The following WNK1 variants were observed in gnomAD, a reference collection of about 807,000 sequenced individuals.
The protein encoded by WNK1 is serine/threonine-protein kinase WNK1.
In WNK1, 38 loss-of-function variants were observed where a neutral mutation model predicts 222.8. That is an observed-to-expected ratio of 0.17 (90% CI 0.13 to 0.22). WNK1 has a LOEUF of 0.22. WNK1 is among the 10% of genes least tolerant of loss of function. WNK1 has a pLI of 1.00. For missense variants in WNK1, 2,348 were observed against 2,918.4 expected (o/e 0.80, Z 4.50); for synonymous variants, 1,090 against 1,092.9 (o/e 1.00, Z 0.05).
chr12:794,245 T>C (rs1384099233), intron 1 of WNK1, among the ~76,000 whole-genome samples: 1 of 152,230 alleles, frequency 6.6e-6, no homozygotes, highest in East Asian at 1.9e-4. Context: ...TATATTAACA[T>C]ATACTTGAAT....
intron 1 of WNK1, among the ~76,000 whole-genome samples, chr12:807,746 A>G (rs1227175053): frequency 1.7e-5 from 2 of 119,116 alleles, no homozygotes; most frequent in African/African-American, 3.3e-5. Context: ...TTGAGACGGA[A>G]TCTGGCTCTG....
intron 1 of WNK1, among the ~76,000 whole-genome samples, chr12:810,389 T>C (rs1389707005): frequency 6.6e-6 from 1 of 152,202 alleles, no homozygotes; most frequent in East Asian, 1.9e-4. Context: ...TATTTTGATA[T>C]GTAGAGTTAT....
intron 1 of WNK1, chr12:781,246 A>G (rs1943673778): frequency 6.5e-6 from 1 of 154,686 alleles, no homozygotes; most frequent in African/African-American, 2.4e-5. Flanking sequence ...ACCTTGGTAC[A>G]ATTTTTGGAA....
intron 3 of WNK1, among the ~76,000 whole-genome samples, chr12:829,006 G>A (rs1216634792): frequency 6.6e-6 from 1 of 152,218 alleles, no homozygotes; most frequent in Non-Finnish European, 1.5e-5. Context: ...ACATTCACAA[G>A]AAGAATGGGA....
chr12:805,464 G>A (rs1941363145), intron 1 of WNK1, among the ~76,000 whole-genome samples: 1 of 152,156 alleles, frequency 6.6e-6, no homozygotes, highest in African/African-American at 2.4e-5. Context: ...CACTCCTTGT[G>A]ACTTAATGAT....
chr12:862,626 A>G (rs939618869), intron 8 of WNK1, among the ~76,000 whole-genome samples: 4 of 152,240 alleles, frequency 2.6e-5, no homozygotes, highest in Admixed American at 2.6e-4. Context: ...TAAAATGATT[A>G]CTAAGTATTT....
chr12:758,035 TAAA>T lies in WNK1; in HGVS notation c.759+3728_759+3730del, dbSNP rs71051381. On this transcript the variant is annotated intron_variant, in intron 1 of 27. Transcript: ENST00000315939. ...GGGTGACAGGGTGAGACTCTGTCTC[TAAA>T]AAAAAAAAAAAAAAAAGAAAGAAAG... Among the ~76,000 whole-genome samples, 359 of 116,256 alleles carry T rather than the reference TAAA, an allele frequency of 3.1e-3. 12 individuals are homozygous for T. Among genetic ancestry groups the T allele is most frequent in the African/African-American group, 8.2e-3 (266 of 32,590 alleles). The allele number at this position is 116,256 out of a possible 152,430, so 76.3% of individuals were successfully genotyped here.
chr12:895,610 T>C (rs1342346578), intron 23 of WNK1, among the ~76,000 whole-genome samples: 1 of 151,878 alleles, frequency 6.6e-6, no homozygotes, highest in African/African-American at 2.4e-5. Context: ...AGGCACACGC[T>C]ACCATGCCTG....
At position 897,503 on chromosome 12, in the gene WNK1, G is replaced by A. The variant is rs1166100337; in HGVS notation, c.6270G>A (p.Leu2090=). 6.2e-7 allele frequency: 1 copy of A among 1,607,922 alleles called. No individual in the cohort carries two copies. The highest frequency in any genetic ancestry group is 1.3e-5 in the African/African-American group (1 of 74,802). ...GACATCTCAAAGAGATTCAGGACCTGCAGAGTCGCCAGAAGCATGAAATTG... is the reference window on the plus strand; with the variant it reads ...GACATCTCAAAGAGATTCAGGACCTACAGAGTCGCCAGAAGCATGAAATTG... ...RDKHLKEIQD[L]QSRQKHEIES... The change falls in exon 25 of 28, where the codon CTG becomes CTA. Residue 2090 remains leucine, a synonymous_variant. Coordinates refer to ENST00000315939, the MANE Select transcript of WNK1 (RefSeq NM_018979.4).
Position 771,026 on chromosome 12 carries a change from C to T in WNK1, c.759+16702C>T, listed in dbSNP as rs575040470. Reference sequence around the variant, plus strand: ...TCTTTTTTTTTGGAGACGGAGTCTTCGCTTTGTCTCGCCCAGGCTGGAGTG... The same window carrying T: ...TCTTTTTTTTTGGAGACGGAGTCTTTGCTTTGTCTCGCCCAGGCTGGAGTG... On this transcript the variant is annotated intron_variant, in intron 1 of 27. Transcript: ENST00000315939. Among the ~76,000 whole-genome samples, 7 of 152,112 alleles carry T rather than the reference C, an allele frequency of 4.6e-5. No individual in the cohort carries two copies. The East Asian group carries it at 5.8e-4, about 13-fold the overall frequency.
At chr12:846,477 C>T (rs1175625584) in intron 4 of WNK1, among the ~76,000 whole-genome samples, 1 of 152,046 alleles carries the variant, frequency 6.6e-6, no homozygotes, top group East Asian at 1.9e-4. Context: ...CTTGGGGAAT[C>T]GTGAGTAAGT....
intron 1 of WNK1, among the ~76,000 whole-genome samples, chr12:791,009 A>G (rs141365705): frequency 5.3e-5 from 8 of 152,268 alleles, no homozygotes; most frequent in African/African-American, 1.7e-4. Context: ...GAAATGTGCT[A>G]TGTTTGGATT....
At chr12:813,339 G>A (rs1947071421) in intron 1 of WNK1, among the ~76,000 whole-genome samples, 1 of 152,174 alleles carries the variant, frequency 6.6e-6, no homozygotes, top group Non-Finnish European at 1.5e-5. Context: ...TGCCTCCAAA[G>A]CCTATGTTCA....
In WNK1 at chr12:753,623, C is replaced by T; in HGVS notation, c.58C>T (p.Pro20Ser). Reference protein sequence around the residue: ...SSTPGSLFLSPPAPAPKNGSS... With the variant: ...SSTPGSLFLSSPAPAPKNGSS... The stretch of plus-strand genomic sequence containing the variant: ...CACTCCCGGTTCCCTGTTCCTCTCG[C>T]CGCCGGCTCCTGCCCCCAAGAATGG... The change falls in exon 1 of 28, where the codon CCG (proline) becomes TCG (serine). Residue 20 changes from proline to serine, a missense_variant. Physicochemically the swap from Pro to Ser is moderately conservative, Grantham distance 74 (BLOSUM62 -1). This residue lies in a region of WNK1 where 108 missense variants were observed against 109.7 expected (regional missense o/e 0.98). Coordinates refer to ENST00000315939, the MANE Select transcript of WNK1 (RefSeq NM_018979.4). The surrounding 1 kb of genome is among the most constrained non-coding windows in gnomAD (Gnocchi z 5.2). 1.2e-6 allele frequency: 2 copies of T among 1,612,804 alleles called. No homozygotes were observed. The highest frequency in any genetic ancestry group is 1.7e-6 in the Non-Finnish European group (2 of 1,179,918).
At chr12:812,864 A>G (rs1947030087) in intron 1 of WNK1, among the ~76,000 whole-genome samples, 1 of 152,174 alleles carries the variant, frequency 6.6e-6, no homozygotes, top group East Asian at 1.9e-4. Context: ...AAAGAGAATG[A>G]GAGGAGACAG....
intron 9 of WNK1, among the ~76,000 whole-genome samples, chr12:876,164 C>T (rs1331261794): frequency 6.6e-6 from 1 of 152,138 alleles, no homozygotes; most frequent in Non-Finnish European, 1.5e-5. Context: ...AATCCTAGCA[C>T]TTTGGGAGGC....
chr12:771,146 T>C (rs528484585), intron 1 of WNK1, among the ~76,000 whole-genome samples: 37 of 152,092 alleles, frequency 2.4e-4, no homozygotes, highest in South Asian at 6.2e-4. Flanking sequence ...TACAGGTGCA[T>C]GCCACCACGC....
At chr12:840,785 A>G (rs978600409) in intron 4 of WNK1, among the ~76,000 whole-genome samples, 2 of 152,244 alleles carry the variant, frequency 1.3e-5, no homozygotes, top group African/African-American at 4.8e-5. Context: ...ATGTTCTTCT[A>G]TAAGAATGCG....
chr12:792,381 C>T (rs967060796), intron 1 of WNK1, among the ~76,000 whole-genome samples: 5 of 142,312 alleles, frequency 3.5e-5, no homozygotes, highest in East Asian at 2.1e-4. Flanking sequence ...GGTGCAATCT[C>T]GGCTCACTGC....
Sources: allele counts gnomAD v4.1 joint callset (sites outside exome capture counted in the v4.1 genomes callset), GRCh38; gene constraint gnomAD v4.1.1; regional missense constraint gnomAD v4.1.1; non-coding constraint Gnocchi (gnomAD v3.1); transcripts MANE v1.5; gene names NCBI Gene and HGNC (gene_info 2026-07-23, HGNC 2026-07-21).